Variants in SLFNL1 observed in about 807,000 individuals in gnomAD.
The protein encoded by SLFNL1 is schlafen-like protein 1.
Under a neutral mutation model 32.5 loss-of-function variants are expected in SLFNL1, and 26 were observed. That is an observed-to-expected ratio of 0.80 (90% CI 0.59 to 1.11). The LOEUF (loss-of-function observed/expected upper bound fraction) is 1.11, where lower values mean the gene tolerates loss of function less well. Among genes scored for constraint, SLFNL1 ranks in the 50% least tolerant of loss-of-function variants. The pLI, the probability that SLFNL1 is intolerant of heterozygous loss-of-function variation, is 0.00. For missense variants in SLFNL1, 553 were observed against 546.5 expected, an observed-to-expected ratio of 1.01 and a Z score of -0.12; for synonymous variants, 255 against 242.2, an observed-to-expected ratio of 1.05 and a Z score of -0.49.
chr1:41,016,453 C>T (rs1284806292), intron 5 of SLFNL1: 10 of 590,200 alleles, frequency 1.7e-5, no homozygotes, highest in Non-Finnish European at 2.7e-5. Flanking sequence ...CCGTGCTGGG[C>T]AGGCCATGTG....
In SLFNL1 at chr1:41,020,291, C is replaced by T; in HGVS notation, c.370G>A (p.Glu124Lys). 1.2e-6 allele frequency: 2 copies of T among 1,613,424 alleles called. No individual in the cohort carries two copies. The highest frequency in any genetic ancestry group is 1.7e-6 in the Non-Finnish European group (2 of 1,179,808). Reference protein sequence around the residue: ...TALEEHLILKELAARGKDLLL... With the variant: ...TALEEHLILKKLAARGKDLLL... ...AGGTCCTTCCCACGGGCTGCCAGCT[C>T]CTTGAGGATTAGGTGCTCCTCCAGG... Residue 124 changes from glutamate (E) to lysine (K), a missense_variant, in exon 3 of 6, where the codon GAG becomes AAG. Transcript: ENST00000302946.
In SLFNL1 at chr1:41,017,887, G is replaced by C; in HGVS notation, c.705C>G (p.Leu235=). The change falls in exon 4 of 6, where the codon CTC becomes CTG. Residue 235 remains leucine (L), a synonymous_variant. Transcript: ENST00000302946. The surrounding 1 kb of genome is among the most constrained non-coding windows in gnomAD (Gnocchi z 4.9). ...MEFKRGSGEY[L]SLAFKHHVRR... The stretch of plus-strand genomic sequence containing the variant: ...GCACGTGGTGCTTGAAGGCCAGGCT[G>C]AGGTACTCGCCGCTACCCCGCTTGA... The C allele has an allele frequency of 6.2e-7, 1 of 1,609,642 alleles. No individual in the cohort carries two copies. Among genetic ancestry groups the C allele is most frequent in the Non-Finnish European group, 8.5e-7 (1 of 1,177,064 alleles).
At chr1:41,016,433 G>A (rs1487996220) in intron 5 of SLFNL1, 1 of 694,648 alleles carries the variant, frequency 1.4e-6, no homozygotes, top group African/African-American at 1.8e-5. Context: ...GCCATGGAAG[G>A]GAGCCTCCTC....
Position 41,016,125 on chromosome 1 carries a change from C to T in SLFNL1, c.1205G>A (p.Cys402Tyr), listed in dbSNP as rs1643299015. The change falls in exon 6 of 6, where the codon TGC becomes TAC. Residue 402 changes from cysteine (C) to tyrosine (Y), a missense_variant. Transcript: ENST00000302946. ...GGGCCCTCACAGGACACAGCAGGTG[C>T]AGGACACAGGCCCGTGCTGCTGCAG... ...QQLQQHGPVS[C>Y]TCCVL is the part of the protein sequence containing the mutation. 1 of 1,614,004 alleles carries T rather than the reference C, an allele frequency of 6.2e-7. No homozygotes were observed. The highest frequency in any genetic ancestry group is 8.5e-7 in the Non-Finnish European group (1 of 1,179,916).
intron 5 of SLFNL1, 38 bp from the exon 6 acceptor site, chr1:41,016,266 C>T (rs750538084): frequency 3.1e-6 from 5 of 1,609,846 alleles, no homozygotes; most frequent in Non-Finnish European, 4.2e-6. Flanking sequence ...CCAAGCCCGC[C>T]TGGTCTCGGG....
In SLFNL1 at chr1:41,020,663, G is replaced by A; in HGVS notation, c.-3C>T. ...ACTGATCTCTTCATGGGGGTCATGG[G>A]AAGGCTCTCCCTGGGAAGGGGTTCC... On this transcript the variant is annotated 5_prime_UTR_variant, in exon 3 of 6. Transcript: ENST00000302946. The A allele has an allele frequency of 6.2e-7, 1 of 1,602,292 alleles. No homozygotes were observed.
In SLFNL1 at chr1:41,017,352, G is replaced by C. The variant is rs371877920; in HGVS notation, c.983C>G (p.Pro328Arg). The C allele has an allele frequency of 6.8e-6, 11 of 1,613,652 alleles. No individual in the cohort carries two copies. The South Asian group carries it at 1.1e-4, about 16-fold the overall frequency. ...LKVIRLTVHT[P>R]KAQSQPQLYQ... is the part of the protein sequence containing the mutation. ...GAGTTGCGGCTGGCTCTGGGCCTTG[G>C]GGGTGTGCACGGTCAGGCGGATCAC... is the stretch of plus-strand genomic sequence containing the variant. Residue 328 changes from proline (P) to arginine (R), a missense_variant, in exon 5 of 6, where the codon CCC becomes CGC. Physicochemically the swap from Pro to Arg is moderately radical, Grantham distance 103. Coordinates refer to ENST00000302946, the MANE Select transcript of SLFNL1 (RefSeq NM_144990.4). This position sits in a 1 kb window ranked among gnomAD's most constrained non-coding sequence, Gnocchi z 4.9.
At chr1:41,021,297 A>G (rs1187642079) in intron 1 of SLFNL1, 1 of 152,902 alleles carries the variant, frequency 6.5e-6, no homozygotes, top group Non-Finnish European at 1.5e-5. Flanking sequence ...GATGAAAGCT[A>G]TGGCCTCTCA....
intron 3 of SLFNL1, among the ~76,000 whole-genome samples, chr1:41,018,809 C>T (rs564893197): frequency 1.4e-5 from 2 of 144,494 alleles, no homozygotes; most frequent in African/African-American, 2.6e-5. Context: ...CAGGCTCACC[C>T]TTTCATGTCA....
chr1:41,018,419 T>A, intron 3 of SLFNL1: 1 of 410,950 alleles, frequency 2.4e-6, no homozygotes, highest in Non-Finnish European at 4.3e-6. Context: ...GTGGGATGCC[T>A]GGTGGGGAAG....
chr1:41,018,835 T>G (rs1302558367), intron 3 of SLFNL1, among the ~76,000 whole-genome samples: 4 of 135,300 alleles, frequency 3.0e-5, no homozygotes, highest in South Asian at 2.5e-4. Context: ...CCTGTTTTTT[T>G]TTTTTTTTTT....
intron 5 of SLFNL1, 151 bp from the exon 6 acceptor site, chr1:41,016,379 G>C: frequency 2.5e-6 from 3 of 1,206,004 alleles, no homozygotes; most frequent in Non-Finnish European, 3.4e-6. Context: ...TCGGCCTGCT[G>C]CCACCTTCAA....
chr1:41,016,372 GCCTGCTGCCACCTTCAA>G, intron 5 of SLFNL1, 144 bp from the exon 6 acceptor site: 1 of 1,272,286 alleles, frequency 7.9e-7, no homozygotes, highest in South Asian at 1.5e-5. Flanking sequence ...AGGCCCCTCG[GCCTGCTGCCACCTTCAA>G]CCGTGTCAGC....
chr1:41,018,453 T>A, intron 3 of SLFNL1: 1 of 352,446 alleles, frequency 2.8e-6, no homozygotes, highest in Non-Finnish European at 5.1e-6. Flanking sequence ...TTCTCAGGGC[T>A]GGGTGCTGGG....
At position 41,020,604 on chromosome 1, in the gene SLFNL1, G is replaced by A. The variant is rs1199717062; in HGVS notation, c.57C>T (p.Ser19=). 6.2e-7 allele frequency: 1 copy of A among 1,613,288 alleles called. No homozygotes were observed. Among genetic ancestry groups the A allele is most frequent in the Non-Finnish European group, 8.5e-7 (1 of 1,180,006 alleles). ...GCTCCGGCAGGGACTCCTCACCCCA[G>A]GACTCCATGAAGGGCTCTGACACCT... ...QTQVSEPFME[S]WGEESLPELP... is the part of the protein sequence containing the mutation. The change falls in exon 3 of 6, where the codon TCC becomes TCT. Residue 19 remains serine, a synonymous_variant. Coordinates refer to ENST00000302946, the MANE Select transcript of SLFNL1 (RefSeq NM_144990.4).
intron 3 of SLFNL1, among the ~76,000 whole-genome samples, chr1:41,020,021 G>C (rs1407136322): frequency 6.6e-6 from 1 of 152,242 alleles, no homozygotes; most frequent in Non-Finnish European, 1.5e-5. Flanking sequence ...CGTCGGGCTT[G>C]AGCTTGAGGC....
intron 3 of SLFNL1, among the ~76,000 whole-genome samples, chr1:41,018,657 C>T (rs998468237): frequency 6.6e-6 from 1 of 152,002 alleles, no homozygotes; most frequent in Non-Finnish European, 1.5e-5. Flanking sequence ...TTGACAAGTC[C>T]GCCCTAATCC....
chr1:41,019,806 G>A (rs1643684268), intron 3 of SLFNL1, among the ~76,000 whole-genome samples: 1 of 152,222 alleles, frequency 6.6e-6, no homozygotes, highest in South Asian at 2.1e-4. Flanking sequence ...CACAGATGCA[G>A]GGCTTCCTGG....
chr1:41,020,367 CA>C lies in SLFNL1; in HGVS notation c.293del (p.Val98GlyfsTer23). 1.9e-6 allele frequency: 3 copies of C among 1,613,394 alleles called. No individual in the cohort carries two copies. The South Asian group carries it at 3.3e-5, about 18-fold the overall frequency. On this transcript the variant is annotated frameshift_variant, in exon 3 of 6. Transcript: ENST00000302946. LOFTEE classifies it high-confidence loss of function. The part of the protein sequence containing the change: ...RPRKAYALVQ[V>X]TVHRDTLASL... ...AGGCCAGGGTGTCCCTGTGGACAGT[CA>C]CCTGCACCAGTGCATAGGCCTTCCG...
Sources: gnomAD v4.1 joint callset for allele counts (sites outside exome capture counted in the v4.1 genomes callset) on GRCh38, gnomAD v4.1.1 for gene constraint, Gnocchi (gnomAD v3.1) non-coding constraint, MANE v1.5 for transcripts, NCBI Gene and HGNC (gene_info 2026-07-23, HGNC 2026-07-21) for gene names.